MKNK1: variants seen among roughly 807,000 people sequenced by gnomAD.
MKNK1 encodes MAPK interacting serine/threonine kinase 1, also known as MAP kinase-interacting serine/threonine-protein kinase 1.
MKNK1 carries 30 observed loss-of-function variants against 49.3 expected under a neutral mutation model. The ratio of observed to expected loss-of-function variants is 0.61; its 90% confidence interval spans 0.46 to 0.83. The LOEUF is 0.83. Ranked by LOEUF, MKNK1 falls within the 40% of genes least tolerant of loss-of-function variation. MKNK1 has a pLI of 0.00. For synonymous variants in MKNK1, 176 were observed against 201.7 expected, an observed-to-expected ratio of 0.87 and a Z score of 1.08; for missense variants, 423 against 524.7, an observed-to-expected ratio of 0.81 and a Z score of 1.89.
intron 6 of MKNK1, chr1:46,574,141 T>C (rs1557853456): frequency 6.6e-6 from 1 of 152,198 alleles, no homozygotes; most frequent in Non-Finnish European, 1.5e-5. Flanking sequence ...TCCTAAGCAT[T>C]TCACATGAAT....
At chr1:46,560,173 AC>A in intron 12 of MKNK1, 60 bp downstream of exon 12, 1 of 1,584,232 alleles carries the variant, frequency 6.3e-7, no homozygotes, top group Non-Finnish European at 8.7e-7. Flanking sequence ...CCCGGCCCCC[AC>A]CCCCATGGTG....
At chr1:46,603,771 A>G (rs944518505) in intron 1 of MKNK1, among the ~76,000 whole-genome samples, 2 of 152,266 alleles carry the variant, frequency 1.3e-5, no homozygotes, top group African/African-American at 4.8e-5. Context: ...CCATCCACAC[A>G]GGCAGGAGCC....
In MKNK1 at chr1:46,594,244, C is replaced by T. The variant is rs761781100; in HGVS notation, c.-134G>A. Reference sequence around the variant, plus strand: ...CTCAATGGCCTTTGTGCGTAGGTGGCAATCTTCAGTTCTCCATCGGCCTCT... The same window carrying T: ...CTCAATGGCCTTTGTGCGTAGGTGGTAATCTTCAGTTCTCCATCGGCCTCT... On this transcript the variant is annotated 5_prime_UTR_variant, in exon 2 of 13. Coordinates refer to ENST00000371945, the MANE Select transcript of MKNK1 (RefSeq NM_001135553.4). 5 of 913,106 alleles carry T rather than the reference C, an allele frequency of 5.5e-6. No individual in the cohort carries two copies. In the South Asian group the frequency reaches 6.5e-5, roughly 12 times the overall value. 56.6% of individuals were successfully genotyped at this position (913,106 alleles called of 1,614,324 possible). A position where few individuals can be genotyped will look rare whatever the true frequency, so the allele number is the denominator to read the frequency against.
At chr1:46,571,895 A>G (rs1479683097) in intron 7 of MKNK1, among the ~76,000 whole-genome samples, 168 bp downstream of exon 7, 3 of 152,106 alleles carry the variant, frequency 2.0e-5, no homozygotes, top group Non-Finnish European at 4.4e-5. Flanking sequence ...CCTAGGAGCC[A>G]TCCTGGACTG....
In MKNK1 at chr1:46,561,551, G is replaced by A; in HGVS notation, c.896C>T (p.Ser299Phe). Residue 299 changes from serine (S) to phenylalanine (F), a missense_variant, in exon 11 of 13, where the codon TCC becomes TTC. Coordinates refer to ENST00000371945, the MANE Select transcript of MKNK1 (RefSeq NM_001135553.4). Reference protein sequence around the residue: ...HISSEAKDLISKLLVRDAKQR... With the variant: ...HISSEAKDLIFKLLVRDAKQR... The stretch of plus-strand genomic sequence containing the variant: ...CTTTGCATCTCGCACCAGGAGCTTG[G>A]AGATGAGGTCTTTGGCTTCACTGGA... 1.2e-6 allele frequency: 2 copies of A among 1,614,214 alleles called. No homozygotes were observed. Among genetic ancestry groups the A allele is most frequent in the Non-Finnish European group, 1.7e-6 (2 of 1,180,026 alleles).
intron 3 of MKNK1, among the ~76,000 whole-genome samples, chr1:46,581,678 C>T (rs554656583): frequency 9.9e-5 from 15 of 152,208 alleles, no homozygotes; most frequent in Admixed American, 5.9e-4. Flanking sequence ...AAACACTGTT[C>T]TATTTTATAC....
At chr1:46,595,621 C>T (rs1328897239) in intron 1 of MKNK1, among the ~76,000 whole-genome samples, 2 of 152,208 alleles carry the variant, frequency 1.3e-5, no homozygotes, top group Admixed American at 6.5e-5. Context: ...GATGTTAGCA[C>T]ATTGGACAGT....
intron 1 of MKNK1, among the ~76,000 whole-genome samples, chr1:46,600,733 T>G (rs1041996808): frequency 2.4e-4 from 36 of 152,242 alleles, no homozygotes; most frequent in Non-Finnish European, 4.7e-4. Flanking sequence ...AAAATAGATC[T>G]GAATGATCTG....
intron 4 of MKNK1, 23 bp from the exon 5 acceptor site, chr1:46,576,677 C>A (rs1350277143): frequency 1.7e-5 from 27 of 1,603,424 alleles, no homozygotes; most frequent in Non-Finnish European, 2.3e-5. Flanking sequence ...TAAAATCTGT[C>A]ATGTACACCC....
intron 3 of MKNK1, 107 bp downstream of exon 3, chr1:46,583,121 T>C: frequency 2.4e-6 from 2 of 832,002 alleles, no homozygotes; most frequent in Non-Finnish European, 4.1e-6. Context: ...ATAACCACCA[T>C]CTGGCTCTAA....
intron 12 of MKNK1, among the ~76,000 whole-genome samples, chr1:46,559,176 T>C (rs1363246905): frequency 1.3e-5 from 2 of 152,222 alleles, no homozygotes; most frequent in Non-Finnish European, 2.9e-5. Context: ...GAGCAAGGCC[T>C]GCGCCGCTTA....
At chr1:46,577,934 C>T (rs2148671912) in intron 4 of MKNK1, among the ~76,000 whole-genome samples, 1 of 152,364 alleles carries the variant, frequency 6.6e-6, no homozygotes, top group South Asian at 2.1e-4. Context: ...TTCATTGAGA[C>T]TTCAAACTTC....
chr1:46,576,478 G>A (rs1310279588), intron 5 of MKNK1, 97 bp downstream of exon 5: 1 of 994,198 alleles, frequency 1.0e-6, no homozygotes, highest in Non-Finnish European at 1.6e-6. Context: ...ACAGGAGTGA[G>A]AGCTAAATGC....
chr1:46,591,810 T>C (rs1226408568), intron 2 of MKNK1, among the ~76,000 whole-genome samples: 1 of 152,218 alleles, frequency 6.6e-6, no homozygotes, highest in African/African-American at 2.4e-5. Flanking sequence ...TGCTATACTT[T>C]GGTTTGCCGC....
At chr1:46,593,712 T>C in intron 2 of MKNK1, 1 of 154,818 alleles carries the variant, frequency 6.5e-6, no homozygotes, top group Non-Finnish European at 1.4e-5. Flanking sequence ...AAAAATTAGC[T>C]GGGTGTGGTG....
chr1:46,576,423 T>C (rs1299517017), intron 5 of MKNK1, 152 bp downstream of exon 5: 2 of 620,662 alleles, frequency 3.2e-6, no homozygotes, highest in African/African-American at 3.7e-5. Flanking sequence ...TTCCTTTCTC[T>C]CCCTAACACT....
intron 1 of MKNK1, among the ~76,000 whole-genome samples, chr1:46,602,058 A>T (rs1674797608): frequency 6.6e-6 from 1 of 152,182 alleles, no homozygotes; most frequent in South Asian, 2.1e-4. Context: ...GGAGGAGGGA[A>T]ATCCAGGAAG....
intron 8 of MKNK1, 82 bp from the exon 9 acceptor site, chr1:46,565,218 T>A (rs1668852350): frequency 7.9e-7 from 1 of 1,258,980 alleles, no homozygotes; most frequent in African/African-American, 1.5e-5. Context: ...TACGGGTGCA[T>A]GGCTCCGTGG....
chr1:46,570,597 G>A (rs1304672548), intron 7 of MKNK1, among the ~76,000 whole-genome samples: 2 of 152,214 alleles, frequency 1.3e-5, no homozygotes, highest in Non-Finnish European at 2.9e-5. Context: ...TGAGTGGCAT[G>A]CCTACCACTG....
Sources: allele counts gnomAD v4.1 joint callset (sites outside exome capture counted in the v4.1 genomes callset), GRCh38; gene constraint gnomAD v4.1.1; transcripts MANE v1.5; gene names NCBI Gene and HGNC (gene_info 2026-07-23, HGNC 2026-07-21).